ZNF34: variants seen among roughly 807,000 people sequenced by gnomAD.
The protein encoded by ZNF34 is zinc finger protein 34.
In ZNF34, 8 loss-of-function variants were observed where a neutral mutation model predicts 14.4. The observed-to-expected ratio is 0.55, with a 90% CI of 0.33 to 1.00. The LOEUF (loss-of-function observed/expected upper bound fraction) is 1.00, where lower values mean the gene tolerates loss of function less well. Among genes scored for constraint, ZNF34 ranks in the 50% least tolerant of loss-of-function variants. ZNF34 has a pLI of 0.03. For missense variants in ZNF34, 538 were observed against 674.2 expected (o/e 0.80, Z 2.24); for synonymous variants, 235 against 247.9 (o/e 0.95, Z 0.49).
intron 1 of ZNF34, among the ~76,000 whole-genome samples, chr8:144,786,765 G>A (rs1443418444): frequency 6.6e-6 from 1 of 152,046 alleles, no homozygotes; most frequent in Non-Finnish European, 1.5e-5. Flanking sequence ...AGCGAGGAGG[G>A]TGGGGCGGAG....
At chr8:144,786,535 G>T (rs1291490838) in intron 1 of ZNF34, among the ~76,000 whole-genome samples, 1 of 151,686 alleles carries the variant, frequency 6.6e-6, no homozygotes, top group African/African-American at 2.4e-5. Context: ...TCGGGAGGCT[G>T]AGACAGGAGA....
At chr8:144,778,348 G>A in intron 3 of ZNF34, 91 bp downstream of exon 3, 1 of 1,394,510 alleles carries the variant, frequency 7.2e-7, no homozygotes, top group Non-Finnish European at 9.6e-7. Context: ...CTACCATCAT[G>A]TCAGCATCCC....
rs1049809378 is a variant in ZNF34, at chr8:144,772,282, A to C, written c.*984T>G. Among the ~76,000 whole-genome samples, 2 of 152,218 alleles carry C rather than the reference A, an allele frequency of 1.3e-5. No homozygotes were observed. The highest frequency in any genetic ancestry group is 2.9e-5 in the Non-Finnish European group (2 of 68,040). Reference sequence around the variant, plus strand: ...ATAGGCAAATTCAAAGAGACAGAAAATAGAATTGAGGTTACCAGCAGTAGG... The same window carrying C: ...ATAGGCAAATTCAAAGAGACAGAAACTAGAATTGAGGTTACCAGCAGTAGG... On this transcript the variant is annotated 3_prime_UTR_variant, in exon 6 of 6. Coordinates refer to ENST00000429371, the MANE Select transcript of ZNF34 (RefSeq NM_001286769.2).
At chr8:144,784,888 C>T (rs530227009) in intron 1 of ZNF34, among the ~76,000 whole-genome samples, 1 of 151,840 alleles carries the variant, frequency 6.6e-6, no homozygotes, top group Non-Finnish European at 1.5e-5. Flanking sequence ...TTTGGGAGGC[C>T]GAGGTGGCCA....
intron 1 of ZNF34, among the ~76,000 whole-genome samples, 177 bp from the exon 2 acceptor site, chr8:144,780,457 A>G (rs967076492): frequency 6.6e-6 from 1 of 152,220 alleles, no homozygotes; most frequent in Non-Finnish European, 1.5e-5. Flanking sequence ...ACCATGACAA[A>G]TTGCACAAGC....
intron 1 of ZNF34, among the ~76,000 whole-genome samples, chr8:144,786,861 C>T (rs890395090): frequency 2.6e-5 from 4 of 151,760 alleles, no homozygotes; most frequent in South Asian, 2.1e-4. Flanking sequence ...CTGGGAGGAC[C>T]GCGAGACGCA....
intron 1 of ZNF34, chr8:144,785,330 A>G (rs1432705619): frequency 1.3e-5 from 2 of 152,214 alleles, no homozygotes; most frequent in Non-Finnish European, 2.9e-5. Context: ...GCTACTCAGA[A>G]GGCTGAGGCA....
At position 144,773,830 on chromosome 8, in the gene ZNF34, A is replaced by G; in HGVS notation, c.1056T>C (p.Ser352=). 6.2e-7 allele frequency: 1 copy of G among 1,613,858 alleles called. No individual in the cohort carries two copies. Among genetic ancestry groups the G allele is most frequent in the Non-Finnish European group, 8.5e-7 (1 of 1,179,938 alleles). ...GATGTCGGATAAGGATTGAGCCATCACTGAAGGCTTTCCCGCAGTCATTAC... is the reference window on the plus strand; with the variant it reads ...GATGTCGGATAAGGATTGAGCCATCGCTGAAGGCTTTCCCGCAGTCATTAC... ...YKCNDCGKAF[S]DGSILIRHRR... Residue 352 remains serine, a synonymous_variant, in exon 6 of 6, where the codon AGT becomes AGC. Transcript: ENST00000429371. This position sits in a 1 kb window ranked among gnomAD's most constrained non-coding sequence, Gnocchi z 5.4.
At position 144,779,991 on chromosome 8, in the gene ZNF34, C is replaced by G. The variant is rs917444081; in HGVS notation, c.-55+237G>C. 7.5e-6 allele frequency among the ~76,000 whole-genome samples: 1 copy of G among 133,526 alleles called. No individual in the cohort carries two copies. Among genetic ancestry groups the G allele is most frequent in the South Asian group, 2.3e-4 (1 of 4,260 alleles). 87.6% of individuals were successfully genotyped at this position (133,526 alleles called of 152,430 possible). A position where few individuals can be genotyped will look rare whatever the true frequency, so the allele number is the denominator to read the frequency against. ...ACAGCTTGAGCCCAGGAATTTGAGA[C>G]AAGCCTGGGCAACATAGGGAGACCT... is the stretch of plus-strand genomic sequence containing the variant. On this transcript the variant is annotated intron_variant, in intron 2 of 5. Transcript: ENST00000429371. The surrounding 1 kb of genome is among the most constrained non-coding windows in gnomAD (Gnocchi z 4.1).
In ZNF34 at chr8:144,777,710, G is replaced by T; in HGVS notation, c.161-133C>A. 1 of 1,156,762 alleles carries T rather than the reference G, an allele frequency of 8.6e-7. No homozygotes were observed. The highest frequency in any genetic ancestry group is 1.2e-6 in the Non-Finnish European group (1 of 833,872). 71.7% of individuals were successfully genotyped at this position (1,156,762 alleles called of 1,614,324 possible). A position where few individuals can be genotyped will look rare whatever the true frequency, so the allele number is the denominator to read the frequency against. On this transcript the variant is annotated intron_variant, in intron 4 of 5. Transcript: ENST00000429371. This position sits in a 1 kb window ranked among gnomAD's most constrained non-coding sequence, Gnocchi z 4.8. ...TGGAAGCCTGGACACTCTCTGGAGG[G>T]CACTGAGATTGGGCTGGGGCAGTCC...
rs774360334 is a variant in ZNF34, at chr8:144,773,175, G to T, written c.*91C>A. 1.5e-6 allele frequency: 2 copies of T among 1,332,648 alleles called. No homozygotes were observed. The highest frequency in any genetic ancestry group is 1.0e-6 in the Non-Finnish European group (1 of 997,474). 82.6% of individuals were successfully genotyped at this position (1,332,648 alleles called of 1,614,324 possible). ...CGTCCTTTCACTCTGTGAAAACATC[G>T]TGTGGATAATACATAAAGGGCAGAG... On this transcript the variant is annotated 3_prime_UTR_variant, in exon 6 of 6. Coordinates refer to ENST00000429371, the MANE Select transcript of ZNF34 (RefSeq NM_001286769.2). This position sits in a 1 kb window ranked among gnomAD's most constrained non-coding sequence, Gnocchi z 5.4.
Position 144,774,534 on chromosome 8 carries a change from A to T in ZNF34, c.352T>A (p.Ser118Thr), listed in dbSNP as rs778759080. The stretch of plus-strand genomic sequence containing the variant: ...TGGTCACAGGCTTCTACTGGCTCAG[A>T]TCCCTGGGGATCTTCCTCACCAAAT... ...ETFGEEDPQG[S>T]EPVEACDHIS... The change falls in exon 6 of 6, where the codon TCT (serine) becomes ACT (threonine). Residue 118 changes from serine to threonine, a missense_variant. Ser to Thr is a moderately conservative substitution (Grantham distance 58, BLOSUM62 1). Coordinates refer to ENST00000429371, the MANE Select transcript of ZNF34 (RefSeq NM_001286769.2). 6.2e-7 allele frequency: 1 copy of T among 1,613,894 alleles called. No individual in the cohort carries two copies. Among genetic ancestry groups the T allele is most frequent in the Non-Finnish European group, 8.5e-7 (1 of 1,179,866 alleles).
rs976768344 is a variant in ZNF34 at position 144,772,997 on chromosome 8, C to T, written c.*269G>A. ...CTTTTTAAAATGCTCTCCAGTATGT[C>T]TCGAAAATATTCGTAAATCAGCAGC... On this transcript the variant is annotated 3_prime_UTR_variant, in exon 6 of 6. Transcript: ENST00000429371. 1.6e-5 allele frequency: 6 copies of T among 372,326 alleles called. 1 individual carries two copies. The highest frequency in any genetic ancestry group is 1.5e-3 in the Middle Eastern group (2 of 1,356). The allele number at this position is 372,326 out of a possible 1,614,324, so 23.1% of individuals were successfully genotyped here.
At chr8:144,775,405 G>T (rs61475323) in intron 5 of ZNF34, among the ~76,000 whole-genome samples, 1 of 152,112 alleles carries the variant, frequency 6.6e-6, no homozygotes, top group Non-Finnish European at 1.5e-5. Context: ...TATTCCGGGC[G>T]CCAGAGAGAG....
At chr8:144,781,312 A>G (rs1825869849) in intron 1 of ZNF34, among the ~76,000 whole-genome samples, 1 of 150,272 alleles carries the variant, frequency 6.7e-6, no homozygotes, top group Non-Finnish European at 1.5e-5. Context: ...TCTGTCGCCC[A>G]GGCTAGAGTA....
intron 1 of ZNF34, among the ~76,000 whole-genome samples, chr8:144,782,263 A>G (rs1825933208): frequency 6.6e-6 from 1 of 152,154 alleles, no homozygotes; most frequent in African/African-American, 2.4e-5. Context: ...CAGAGGTTAC[A>G]GTGAGCCGAG....
chr8:144,778,268 C>T lies in ZNF34; in HGVS notation c.34-104G>A, dbSNP rs141712250. 284 of 1,490,316 alleles carry T rather than the reference C, an allele frequency of 1.9e-4. 1 individual carries two copies. The African/African-American group carries it at 3.5e-3, about 18-fold the overall frequency. 92.3% of individuals were successfully genotyped at this position (1,490,316 alleles called of 1,614,324 possible). On this transcript the variant is annotated intron_variant, in intron 3 of 5. Coordinates refer to ENST00000429371, the MANE Select transcript of ZNF34 (RefSeq NM_001286769.2). ...TAAAGGCAGCAGCACAGTGGGTGGC[C>T]TGACCCATCTGCCACCGAGCCAGCT... is the stretch of plus-strand genomic sequence containing the variant.
At chr8:144,784,350 G>A (rs148463487) in intron 1 of ZNF34, among the ~76,000 whole-genome samples, 1 of 150,658 alleles carries the variant, frequency 6.6e-6, no homozygotes, top group African/African-American at 2.4e-5. Context: ...CAATGAAGAA[G>A]GACAATAAAT....
rs570193847 is a variant in ZNF34, at chr8:144,777,617, C to T, written c.161-40G>A. On this transcript the variant is annotated intron_variant, in intron 4 of 5. Transcript: ENST00000429371. This position sits in a 1 kb window ranked among gnomAD's most constrained non-coding sequence, Gnocchi z 4.8. ...GGGACTGGGGTTGGTACCAAGGACA[C>T]AGGGCAGCACCTAGTGCTGTCTCAC... 2.3e-5 allele frequency: 35 copies of T among 1,546,858 alleles called. No homozygotes were observed. The highest frequency in any genetic ancestry group is 3.1e-5 in the Non-Finnish European group (35 of 1,145,208).
Sources: allele counts gnomAD v4.1 joint callset (sites outside exome capture counted in the v4.1 genomes callset), GRCh38; gene constraint gnomAD v4.1.1; non-coding constraint Gnocchi (gnomAD v3.1); transcripts MANE v1.5; gene names NCBI Gene and HGNC (gene_info 2026-07-23, HGNC 2026-07-21).